Variants in KLF6 observed in about 807,000 individuals in gnomAD.
The protein encoded by KLF6 is KLF transcription factor 6.
For synonymous variants in KLF6, 152 were observed against 147.9 expected, an observed-to-expected ratio of 1.03 and a Z score of -0.20; for missense variants, 233 against 359.8, an observed-to-expected ratio of 0.65 and a Z score of 2.85.
chr10:3,776,396 A>G lies in KLF6; in HGVS notation c.*3143T>C. 1 of 531,870 alleles carries G rather than the reference A, an allele frequency of 1.9e-6. No individual in the cohort carries two copies. The highest frequency in any genetic ancestry group is 1.5e-5 in the South Asian group (1 of 65,144). 32.9% of individuals were successfully genotyped at this position (531,870 alleles called of 1,614,324 possible). A position where few individuals can be genotyped will look rare whatever the true frequency, so the allele number is the denominator to read the frequency against. ...CTCGCTGACATCCTCTCCAGCTCCC[A>G]GGACAGGCTGTGGAAAGAGGAAGGG... On this transcript the variant is annotated 3_prime_UTR_variant, in exon 4 of 4. Transcript: ENST00000497571.
Position 3,781,996 on chromosome 10 carries a change from A to T in KLF6, c.321T>A (p.Asp107Glu). ...YNLETNSLNS[D>E]VSSESSDSSE... ...AGCTGTCAGAGGATTCGCTGCTGACATCTGAGTTCAGGCTGTTGGTCTCTA... is the reference window on the plus strand; with the variant it reads ...AGCTGTCAGAGGATTCGCTGCTGACTTCTGAGTTCAGGCTGTTGGTCTCTA... Residue 107 changes from aspartate (D) to glutamate (E), a missense_variant, in exon 2 of 4, where the codon GAT becomes GAA. Physicochemically the swap from Asp to Glu is conservative, Grantham distance 45. Coordinates refer to ENST00000497571, the MANE Select transcript of KLF6 (RefSeq NM_001300.6). The surrounding 1 kb of genome is among the most constrained non-coding windows in gnomAD (Gnocchi z 5.8). 1 of 1,614,234 alleles carries T rather than the reference A, an allele frequency of 6.2e-7. No individual in the cohort carries two copies. Among genetic ancestry groups the T allele is most frequent in the Admixed American group, 1.7e-5 (1 of 60,032 alleles).
Position 3,780,417 on chromosome 10 carries a change from C to T in KLF6, c.677-188G>A, listed in dbSNP as rs1832491760. Reference sequence around the variant, plus strand: ...GCTCTCTCCTGACCCAGTCTCAGGCCTCCCACTGCTGTCCAAGGGACACAG... The same window carrying T: ...GCTCTCTCCTGACCCAGTCTCAGGCTTCCCACTGCTGTCCAAGGGACACAG... On this transcript the variant is annotated intron_variant, in intron 2 of 3. Coordinates refer to ENST00000497571, the MANE Select transcript of KLF6 (RefSeq NM_001300.6). The surrounding 1 kb of genome is among the most constrained non-coding windows in gnomAD (Gnocchi z 4.6). 2.9e-6 allele frequency: 2 copies of T among 685,360 alleles called. No individual in the cohort carries two copies. The highest frequency in any genetic ancestry group is 2.7e-5 in the East Asian group (1 of 36,852). 42.5% of individuals were successfully genotyped at this position (685,360 alleles called of 1,614,324 possible). A position where few individuals can be genotyped will look rare whatever the true frequency, so the allele number is the denominator to read the frequency against.
rs376005216 is a variant in KLF6, at chr10:3,783,791, G to A, written c.102+1122C>T. On this transcript the variant is annotated intron_variant, in intron 1 of 3. Transcript: ENST00000497571. Reference sequence around the variant, plus strand: ...CACCCGGGACCTGAACGAAGCTCTCGGAGAGTTTAAAAGCCTCCAAAGGCG... The same window carrying A: ...CACCCGGGACCTGAACGAAGCTCTCAGAGAGTTTAAAAGCCTCCAAAGGCG... 3.3e-5 allele frequency among the ~76,000 whole-genome samples: 5 copies of A among 152,272 alleles called. No homozygotes were observed. In the East Asian group the frequency reaches 9.6e-4, roughly 29 times the overall value.
At position 3,782,182 on chromosome 10, in the gene KLF6, G is replaced by A. The variant is rs749600327; in HGVS notation, c.135C>T (p.Ser45=). The change falls in exon 2 of 4, where the codon AGC becomes AGT. Residue 45 remains serine (S), a synonymous_variant. Coordinates refer to ENST00000497571, the MANE Select transcript of KLF6 (RefSeq NM_001300.6). The surrounding 1 kb of genome is among the most constrained non-coding windows in gnomAD (Gnocchi z 4.3). ...TCLELERYLQ[S]EPCYVSASEI... is the part of the protein sequence containing the mutation. ...CTGAGGCTGAAACATAGCAGGGCTCGCTCTGGAGGTAACGTTCCAGCTCTA... is the reference window on the plus strand; with the variant it reads ...CTGAGGCTGAAACATAGCAGGGCTCACTCTGGAGGTAACGTTCCAGCTCTA... The A allele has an allele frequency of 8.1e-6, 13 of 1,609,230 alleles. No homozygotes were observed. Among genetic ancestry groups the A allele is most frequent in the South Asian group, 4.4e-5 (4 of 91,086 alleles).
Position 3,781,063 on chromosome 10 carries a change from A to T in KLF6, c.676+578T>A. 6.0e-6 allele frequency: 1 copy of T among 167,634 alleles called. No individual in the cohort carries two copies. Among genetic ancestry groups the T allele is most frequent in the Non-Finnish European group, 1.3e-5 (1 of 77,612 alleles). The allele number at this position is 167,634 out of a possible 1,614,324, so 10.4% of individuals were successfully genotyped here. ...CAAGGTATTTTTAAATAGCACTTTC[A>T]CCTAGGTATGGCATTTCATTAAGAA... On this transcript the variant is annotated intron_variant, in intron 2 of 3. Transcript: ENST00000497571. The surrounding 1 kb of genome is among the most constrained non-coding windows in gnomAD (Gnocchi z 5.8).
chr10:3,780,270 G>A lies in KLF6; in HGVS notation c.677-41C>T, dbSNP rs1832489274. ...AGGACAAGCAGCCCATGACTTCACT[G>A]ACCCGCAGACGGAAAGGGGAAATTC... On this transcript the variant is annotated intron_variant, in intron 2 of 3. Coordinates refer to ENST00000497571, the MANE Select transcript of KLF6 (RefSeq NM_001300.6). This position sits in a 1 kb window ranked among gnomAD's most constrained non-coding sequence, Gnocchi z 4.6. 2.5e-6 allele frequency: 4 copies of A among 1,610,540 alleles called. No individual in the cohort carries two copies. Among genetic ancestry groups the A allele is most frequent in the African/African-American group, 1.3e-5 (1 of 75,042 alleles).
chr10:3,780,258 C>T lies in KLF6; in HGVS notation c.677-29G>A. ...GGGAGAGAGCACAGGACAAGCAGCC[C>T]ATGACTTCACTGACCCGCAGACGGA... On this transcript the variant is annotated intron_variant, in intron 2 of 3. Coordinates refer to ENST00000497571, the MANE Select transcript of KLF6 (RefSeq NM_001300.6). This position sits in a 1 kb window ranked among gnomAD's most constrained non-coding sequence, Gnocchi z 4.6. The T allele has an allele frequency of 1.9e-6, 3 of 1,612,222 alleles. No individual in the cohort carries two copies. Among genetic ancestry groups the T allele is most frequent in the Non-Finnish European group, 2.5e-6 (3 of 1,179,992 alleles).
rs1249031510 is a variant in KLF6, at chr10:3,782,108, G to C, written c.209C>G (p.Ala70Gly). ...QEDLWTKIILAREKKEESELK... is the reference protein window; with the variant it reads ...QEDLWTKIILGREKKEESELK... ...TTCGGATTCCTCCTTTTTCTCCCGAGCCAGAATGATTTTGGTCCACAGATC... is the reference window on the plus strand; with the variant it reads ...TTCGGATTCCTCCTTTTTCTCCCGACCCAGAATGATTTTGGTCCACAGATC... The change falls in exon 2 of 4, where the codon GCT (alanine) becomes GGT (glycine). Residue 70 changes from alanine to glycine, a missense_variant. Coordinates refer to ENST00000497571, the MANE Select transcript of KLF6 (RefSeq NM_001300.6). The surrounding 1 kb of genome is among the most constrained non-coding windows in gnomAD (Gnocchi z 4.3). The C allele has an allele frequency of 6.2e-7, 1 of 1,613,944 alleles. No homozygotes were observed. The highest frequency in any genetic ancestry group is 1.7e-5 in the Admixed American group (1 of 59,996).
chr10:3,782,515 C>T lies in KLF6; in HGVS notation c.103-301G>A, dbSNP rs1251410618. Among the ~76,000 whole-genome samples the T allele has an allele frequency of 5.3e-5, 8 of 152,180 alleles. No homozygotes were observed. The highest frequency in any genetic ancestry group is 1.7e-4 in the African/African-American group (7 of 41,432). On this transcript the variant is annotated intron_variant, in intron 1 of 3. Coordinates refer to ENST00000497571, the MANE Select transcript of KLF6 (RefSeq NM_001300.6). The surrounding 1 kb of genome is among the most constrained non-coding windows in gnomAD (Gnocchi z 4.3). ...TAAGCCGGTTTTTTTGTTGTAGTTACCAGTGTTGATGTTTCTCATGAAACC... is the reference window on the plus strand; with the variant it reads ...TAAGCCGGTTTTTTTGTTGTAGTTATCAGTGTTGATGTTTCTCATGAAACC...
chr10:3,777,169 T>C lies in KLF6; in HGVS notation c.*2370A>G. On this transcript the variant is annotated 3_prime_UTR_variant, in exon 4 of 4. Coordinates refer to ENST00000497571, the MANE Select transcript of KLF6 (RefSeq NM_001300.6). Reference sequence around the variant, plus strand: ...TTATGTGAGCGTTAGTCACTGCTCATTTCCAGGAAGATCAAACAAAATACC... The same window carrying C: ...TTATGTGAGCGTTAGTCACTGCTCACTTCCAGGAAGATCAAACAAAATACC... 1 of 513,706 alleles carries C rather than the reference T, an allele frequency of 1.9e-6. No homozygotes were observed. Among genetic ancestry groups the C allele is most frequent in the East Asian group, 4.3e-5 (1 of 23,482 alleles). 31.8% of individuals were successfully genotyped at this position (513,706 alleles called of 1,614,324 possible). A position where few individuals can be genotyped will look rare whatever the true frequency, so the allele number is the denominator to read the frequency against.
In KLF6 at chr10:3,778,206, G is replaced by A; in HGVS notation, c.*1333C>T. ...GTATTATACGTTGATACAGTACACT[G>A]CCAGGTGAAACAAGAGCCTTAATAA... On this transcript the variant is annotated 3_prime_UTR_variant, in exon 4 of 4. Transcript: ENST00000497571. The A allele has an allele frequency of 1.9e-6, 1 of 525,098 alleles. No homozygotes were observed. Among genetic ancestry groups the A allele is most frequent in the Non-Finnish European group, 3.7e-6 (1 of 270,614 alleles). The allele number at this position is 525,098 out of a possible 1,614,324, so 32.5% of individuals were successfully genotyped here.
rs1210508234 is a variant in KLF6, at chr10:3,784,931, C to T, written c.84G>A (p.Leu28=). ...CGTTTACCTGTTGCCAGTACTCCTC[C>T]AGAGACGGCAGCGCCGAGAAGTAGC... The part of the protein sequence containing the change: ...ETGYFSALPS[L]EEYWQQTCLE... The change falls in exon 1 of 4, where the codon CTG becomes CTA. Residue 28 remains leucine (L), a synonymous_variant. Coordinates refer to ENST00000497571, the MANE Select transcript of KLF6 (RefSeq NM_001300.6). 1 of 1,605,552 alleles carries T rather than the reference C, an allele frequency of 6.2e-7. No individual in the cohort carries two copies. Among genetic ancestry groups the T allele is most frequent in the Non-Finnish European group, 8.5e-7 (1 of 1,175,228 alleles).
rs1379421825 is a variant in KLF6 at position 3,780,411 on chromosome 10, T to G, written c.677-182A>C. 2 of 706,980 alleles carry G rather than the reference T, an allele frequency of 2.8e-6. No individual in the cohort carries two copies. The highest frequency in any genetic ancestry group is 2.7e-5 in the East Asian group (1 of 37,308). The allele number at this position is 706,980 out of a possible 1,614,324, so 43.8% of individuals were successfully genotyped here. A position where few individuals can be genotyped will look rare whatever the true frequency, so the allele number is the denominator to read the frequency against. On this transcript the variant is annotated intron_variant, in intron 2 of 3. Coordinates refer to ENST00000497571, the MANE Select transcript of KLF6 (RefSeq NM_001300.6). This position sits in a 1 kb window ranked among gnomAD's most constrained non-coding sequence, Gnocchi z 4.6. Reference sequence around the variant, plus strand: ...ACAGCAGCTCTCTCCTGACCCAGTCTCAGGCCTCCCACTGCTGTCCAAGGG... The same window carrying G: ...ACAGCAGCTCTCTCCTGACCCAGTCGCAGGCCTCCCACTGCTGTCCAAGGG...
At position 3,777,638 on chromosome 10, in the gene KLF6, G is replaced by A. The variant is rs1588339783; in HGVS notation, c.*1901C>T. The A allele has an allele frequency of 2.0e-6, 1 of 494,064 alleles. No homozygotes were observed. The highest frequency in any genetic ancestry group is 4.0e-6 in the Non-Finnish European group (1 of 251,282). The allele number at this position is 494,064 out of a possible 1,614,324, so 30.6% of individuals were successfully genotyped here. On this transcript the variant is annotated 3_prime_UTR_variant, in exon 4 of 4. Coordinates refer to ENST00000497571, the MANE Select transcript of KLF6 (RefSeq NM_001300.6). ...AAAGCCTCTATAAAAGTTAGGTTAT[G>A]GTTTTCATTTTTACCTCCTTTATGG...
In KLF6 at chr10:3,776,029, C is replaced by T. The variant is rs1281085093; in HGVS notation, c.*3510G>A. On this transcript the variant is annotated 3_prime_UTR_variant, in exon 4 of 4. Transcript: ENST00000497571. ...ATGTCATCTTTTATTTTCTGCCCTC[C>T]TTGACTGAGAGTGGGCTGAGGTTGT... 1 of 498,952 alleles carries T rather than the reference C, an allele frequency of 2.0e-6. No homozygotes were observed. The highest frequency in any genetic ancestry group is 1.9e-5 in the African/African-American group (1 of 52,844). The allele number at this position is 498,952 out of a possible 1,614,324, so 30.9% of individuals were successfully genotyped here.
At position 3,777,825 on chromosome 10, in the gene KLF6, C is replaced by G. The variant is rs1832427787; in HGVS notation, c.*1714G>C. ...TATACATACACAAGAATTCTGCCCA[C>G]TTTTTTAAAAAAGTAGTATACTTTC... On this transcript the variant is annotated 3_prime_UTR_variant, in exon 4 of 4. Transcript: ENST00000497571. 2.1e-6 allele frequency: 1 copy of G among 479,642 alleles called. No homozygotes were observed. Among genetic ancestry groups the G allele is most frequent in the Non-Finnish European group, 4.1e-6 (1 of 243,064 alleles). The allele number at this position is 479,642 out of a possible 1,614,324, so 29.7% of individuals were successfully genotyped here.
Position 3,782,259 on chromosome 10 carries a change from C to A in KLF6, c.103-45G>T. 6.6e-7 allele frequency: 1 copy of A among 1,526,584 alleles called. No homozygotes were observed. Among genetic ancestry groups the A allele is most frequent in the South Asian group, 1.1e-5 (1 of 89,402 alleles). The allele number at this position is 1,526,584 out of a possible 1,614,324, so 94.6% of individuals were successfully genotyped here. ...GAAGGCACGTGATTGCCATGACGAC[C>A]AAAAGTAAAAGCAAAAGCAATTTCC... is the stretch of plus-strand genomic sequence containing the variant. On this transcript the variant is annotated intron_variant, in intron 1 of 3. Coordinates refer to ENST00000497571, the MANE Select transcript of KLF6 (RefSeq NM_001300.6). The surrounding 1 kb of genome is among the most constrained non-coding windows in gnomAD (Gnocchi z 4.3).
Position 3,780,520 on chromosome 10 carries a change from G to A in KLF6, c.677-291C>T, listed in dbSNP as rs903886141. 18 of 474,668 alleles carry A rather than the reference G, an allele frequency of 3.8e-5. No individual in the cohort carries two copies. Among genetic ancestry groups the A allele is most frequent in the Non-Finnish European group, 5.1e-5 (13 of 256,330 alleles). The allele number at this position is 474,668 out of a possible 1,614,324, so 29.4% of individuals were successfully genotyped here. ...CGACTCAGACCAGCAAAATGCTTGC[G>A]GGATGAGGTGTCAGCCTGCCGGACC... is the stretch of plus-strand genomic sequence containing the variant. On this transcript the variant is annotated intron_variant, in intron 2 of 3. Coordinates refer to ENST00000497571, the MANE Select transcript of KLF6 (RefSeq NM_001300.6). The surrounding 1 kb of genome is among the most constrained non-coding windows in gnomAD (Gnocchi z 4.6).
At position 3,777,193 on chromosome 10, in the gene KLF6, C is replaced by T. The variant is rs899551662; in HGVS notation, c.*2346G>A. On this transcript the variant is annotated 3_prime_UTR_variant, in exon 4 of 4. Coordinates refer to ENST00000497571, the MANE Select transcript of KLF6 (RefSeq NM_001300.6). Reference sequence around the variant, plus strand: ...ATTTCCAGGAAGATCAAACAAAATACCAGCCCAGCCAGACTCACATGTGTG... The same window carrying T: ...ATTTCCAGGAAGATCAAACAAAATATCAGCCCAGCCAGACTCACATGTGTG... 2 of 515,114 alleles carry T rather than the reference C, an allele frequency of 3.9e-6. No individual in the cohort carries two copies. The highest frequency in any genetic ancestry group is 2.3e-5 in the Admixed American group (1 of 44,266). 31.9% of individuals were successfully genotyped at this position (515,114 alleles called of 1,614,324 possible).
Sources: gnomAD v4.1 joint callset for allele counts (sites outside exome capture counted in the v4.1 genomes callset) on GRCh38, gnomAD v4.1.1 for gene constraint, Gnocchi (gnomAD v3.1) non-coding constraint, MANE v1.5 for transcripts, NCBI Gene and HGNC (gene_info 2026-07-23, HGNC 2026-07-21) for gene names.